RALGPS2: variants seen among roughly 807,000 people sequenced by gnomAD.
The protein encoded by RALGPS2 is ras-specific guanine nucleotide-releasing factor RalGPS2.
A neutral mutation model predicts 86.8 loss-of-function variants in RALGPS2; 43 were observed. The ratio of observed to expected loss-of-function variants is 0.50; its 90% CI spans 0.39 to 0.64. The LOEUF (loss-of-function observed/expected upper bound fraction) is 0.64, where lower values mean the gene tolerates loss of function less well. Among genes scored for constraint, RALGPS2 ranks in the 30% least tolerant of loss-of-function variants. The probability of loss-of-function intolerance (pLI) is 0.00; values close to 1 mark genes in which losing one functional copy is unlikely to be tolerated. For synonymous variants in RALGPS2, 243 were observed against 231.3 expected (o/e 1.05, Z -0.46); for missense variants, 536 against 694.6 (o/e 0.77, Z 2.57).
chr1:178,804,384 G>A (rs1384418613), intron 4 of RALGPS2, among the ~76,000 whole-genome samples: 9 of 137,034 alleles, frequency 6.6e-5, no homozygotes, highest in East Asian at 4.5e-4. Flanking sequence ...CCACTAACTC[G>A]TCATCTAGCA....
chr1:178,802,037 A>G lies in RALGPS2; in HGVS notation c.214-6008A>G, dbSNP rs1481024797. Among the ~76,000 whole-genome samples the G allele has an allele frequency of 5.9e-5, 9 of 152,264 alleles. No individual in the cohort carries two copies. The East Asian group carries it at 1.7e-3, about 29-fold the overall frequency. ...ATCTCATACAACAATAATCAGAACTACACTTTACCCTTGAATGTCTCTGGA... is the reference window on the plus strand; with the variant it reads ...ATCTCATACAACAATAATCAGAACTGCACTTTACCCTTGAATGTCTCTGGA... On this transcript the variant is annotated intron_variant, in intron 4 of 19. Transcript: ENST00000367635.
At chr1:178,864,847 C>T in intron 8 of RALGPS2, 4 of 672,706 alleles carry the variant, frequency 5.9e-6, no homozygotes, top group Non-Finnish European at 8.6e-6. Context: ...TTTTAATGTA[C>T]ATATATAACA....
intron 1 of RALGPS2, among the ~76,000 whole-genome samples, chr1:178,739,786 T>C (rs1264747147): frequency 6.6e-6 from 1 of 152,216 alleles, no homozygotes; most frequent in Non-Finnish European, 1.5e-5. Flanking sequence ...CTTTGAAGGT[T>C]TGGACTTAAG....
intron 2 of RALGPS2, among the ~76,000 whole-genome samples, chr1:178,781,455 AG>A (rs1203383535): frequency 2.0e-5 from 3 of 152,170 alleles, no homozygotes; most frequent in African/African-American, 7.2e-5. Context: ...GAAGACATTT[AG>A]AAGTTTTTGA....
rs1656122642 is a variant in RALGPS2, at chr1:178,833,441, C to T, written c.498C>T (p.Asp166=). 1.3e-6 allele frequency: 2 copies of T among 1,506,886 alleles called. No homozygotes were observed. Among genetic ancestry groups the T allele is most frequent in the Non-Finnish European group, 1.8e-6 (2 of 1,140,220 alleles). The allele number at this position is 1,506,886 out of a possible 1,614,324, so 93.3% of individuals were successfully genotyped here. A position where few individuals can be genotyped will look rare whatever the true frequency, so the allele number is the denominator to read the frequency against. ...TKTWALLSRK[D]KTTFEKLEYV... ...TTTTTTAGTTATTAAGTCGAAAAGA[C>T]AAAACTACCTTTGAAAAATTAGAAT... Residue 166 remains aspartate (D), a synonymous_variant, in exon 8 of 20, where the codon GAC becomes GAT. Coordinates refer to ENST00000367635, the MANE Select transcript of RALGPS2 (RefSeq NM_152663.5).
intron 1 of RALGPS2, among the ~76,000 whole-genome samples, chr1:178,737,647 CTA>C (rs1328031855): frequency 6.6e-6 from 1 of 152,108 alleles, no homozygotes; most frequent in East Asian, 1.9e-4. Context: ...TAAAATTCAC[CTA>C]TGTTTACTTC....
In RALGPS2 at chr1:178,750,256, A is replaced by AGC. The variant is rs1277349039; in HGVS notation, c.-84+24837_-84+24838insGC. Among the ~76,000 whole-genome samples the AGC allele has an allele frequency of 2.0e-5, 3 of 152,218 alleles. No individual in the cohort carries two copies. In the East Asian group the frequency reaches 5.8e-4, roughly 29 times the overall value. On this transcript the variant is annotated intron_variant, in intron 1 of 19. Coordinates refer to ENST00000367635, the MANE Select transcript of RALGPS2 (RefSeq NM_152663.5). ...GGCCATGCAAGTCTCTGTTGCAGCT[A>AGC]TTCAGTTCTGCTTTTGGAGTGTGAA... is the stretch of plus-strand genomic sequence containing the variant.
Position 178,841,035 on chromosome 1 carries a change from G to A in RALGPS2, c.607+7485G>A, listed in dbSNP as rs183176023. Among the ~76,000 whole-genome samples the A allele has an allele frequency of 1.3e-3, 194 of 152,250 alleles. 2 individuals carry two copies. The highest frequency in any genetic ancestry group is 4.3e-3 in the African/African-American group (178 of 41,534). On this transcript the variant is annotated intron_variant, in intron 8 of 19. Coordinates refer to ENST00000367635, the MANE Select transcript of RALGPS2 (RefSeq NM_152663.5). ...AGCCTACCAACCAAAGAAAGTCCAGGACCAGATGGATTCACAGCCAAATTC... is the reference window on the plus strand; with the variant it reads ...AGCCTACCAACCAAAGAAAGTCCAGAACCAGATGGATTCACAGCCAAATTC...
chr1:178,741,479 T>A (rs1651022883), intron 1 of RALGPS2, among the ~76,000 whole-genome samples: 1 of 152,188 alleles, frequency 6.6e-6, no homozygotes, highest in African/African-American at 2.4e-5. Flanking sequence ...TTCTTTTATG[T>A]TTTTCTAGTA....
At chr1:178,727,298 C>T (rs568007182) in intron 1 of RALGPS2, among the ~76,000 whole-genome samples, 2 of 152,004 alleles carry the variant, frequency 1.3e-5, no homozygotes, top group South Asian at 4.2e-4. Context: ...CTCCTGAGCT[C>T]AAGCGATCCT....
intron 7 of RALGPS2, among the ~76,000 whole-genome samples, chr1:178,821,932 G>A (rs1655527244): frequency 6.6e-6 from 1 of 152,074 alleles, no homozygotes; most frequent in East Asian, 1.9e-4. Context: ...GCTCCTTAGA[G>A]AATCATTTTT....
At chr1:178,853,736 C>T in intron 8 of RALGPS2, 1 of 1,605,666 alleles carries the variant, frequency 6.2e-7, no homozygotes, top group South Asian at 1.1e-5. Flanking sequence ...CATATAAATC[C>T]CACTGACCGA....
intron 13 of RALGPS2, among the ~76,000 whole-genome samples, chr1:178,889,095 C>T (rs1374316548): frequency 6.6e-6 from 1 of 151,886 alleles, no homozygotes; most frequent in Non-Finnish European, 1.5e-5. Flanking sequence ...TTTATTTTAA[C>T]TGATCTTTTG....
chr1:178,735,311 C>G (rs1007788952), intron 1 of RALGPS2, among the ~76,000 whole-genome samples: 13 of 152,066 alleles, frequency 8.5e-5, no homozygotes, highest in Non-Finnish European at 1.8e-4. Flanking sequence ...CAAGGTCAAA[C>G]TCATGTATGG....
chr1:178,735,500 C>T (rs1161235692), intron 1 of RALGPS2, among the ~76,000 whole-genome samples: 1 of 150,770 alleles, frequency 6.6e-6, no homozygotes, highest in East Asian at 1.9e-4. Flanking sequence ...TCACTGCAAC[C>T]TCTGCCTCCC....
chr1:178,879,162 T>A (rs1286801427), intron 10 of RALGPS2, 170 bp downstream of exon 10: 3 of 902,436 alleles, frequency 3.3e-6, no homozygotes, highest in East Asian at 6.4e-5. Context: ...CTTGTTATGA[T>A]TGAGCCAATA....
intron 1 of RALGPS2, among the ~76,000 whole-genome samples, chr1:178,734,629 A>C (rs1650571219): frequency 6.6e-6 from 1 of 152,260 alleles, no homozygotes; most frequent in Non-Finnish European, 1.5e-5. Context: ...ATTTGAGAAG[A>C]GCAAGATGCA....
chr1:178,767,651 G>A (rs1572305676), intron 1 of RALGPS2, among the ~76,000 whole-genome samples: 2 of 152,292 alleles, frequency 1.3e-5, no homozygotes, highest in Admixed American at 1.3e-4. Flanking sequence ...GGCAGAAGCG[G>A]GACTGCTGGG....
At chr1:178,775,596 A>G (rs1040804824) in intron 1 of RALGPS2, among the ~76,000 whole-genome samples, 5 of 152,160 alleles carry the variant, frequency 3.3e-5, no homozygotes, top group South Asian at 2.1e-4. Context: ...AACTTCAAGT[A>G]AGTACTCTGA....
Sources: gnomAD v4.1 joint callset for allele counts (sites outside exome capture counted in the v4.1 genomes callset) on GRCh38, gnomAD v4.1.1 for gene constraint, MANE v1.5 for transcripts, NCBI Gene and HGNC (gene_info 2026-07-23, HGNC 2026-07-21) for gene names.